DRC9: variants seen among roughly 807,000 people sequenced by gnomAD.
The protein encoded by DRC9 is dynein regulatory complex protein 9.
At chr3:197,954,833 A>G in the DRC9 span, among the ~76,000 whole-genome samples, 1 of 152,170 alleles carries the variant, frequency 6.6e-6, no homozygotes, top group Non-Finnish European at 1.5e-5. Flanking sequence ...TCTGGTGAAG[A>G]TATTTATTGG....
chr3:197,890,988 C>T, the DRC9 span, among the ~76,000 whole-genome samples: 1 of 152,182 alleles, frequency 6.6e-6, no homozygotes, highest in African/African-American at 2.4e-5. Flanking sequence ...CACTGAGACA[C>T]ACAAGTTCAC....
At chr3:197,915,625 C>T in the DRC9 span, among the ~76,000 whole-genome samples, 1 of 152,114 alleles carries the variant, frequency 6.6e-6, no homozygotes, top group African/African-American at 2.4e-5. Context: ...AACCGCCTTT[C>T]TTCTCTTTTT....
chr3:197,905,399 A>G, the DRC9 span, among the ~76,000 whole-genome samples: 1 of 152,120 alleles, frequency 6.6e-6, no homozygotes, highest in Non-Finnish European at 1.5e-5. Flanking sequence ...AAAAGAAAAG[A>G]GTTTAAAATA....
chr3:197,935,425 C>T, the DRC9 span, among the ~76,000 whole-genome samples: 46 of 146,670 alleles, frequency 3.1e-4, no homozygotes, highest in Admixed American at 9.5e-4. Context: ...GGCGACAGAA[C>T]GAGACTCTGT....
At chr3:197,891,185 G>A in the DRC9 span, among the ~76,000 whole-genome samples, 48 of 152,102 alleles carry the variant, frequency 3.2e-4, no homozygotes, top group Non-Finnish European at 2.2e-4. Context: ...CTGATATTTC[G>A]TCTCTTGGCC....
the DRC9 span, among the ~76,000 whole-genome samples, chr3:197,910,325 A>T: frequency 2.6e-5 from 4 of 152,116 alleles, no homozygotes; most frequent in Non-Finnish European, 4.4e-5. Context: ...AAAAAAATAT[A>T]TACTTATGTA....
chr3:197,895,343 C>T, the DRC9 span, among the ~76,000 whole-genome samples: 2 of 152,140 alleles, frequency 1.3e-5, no homozygotes, highest in East Asian at 3.9e-4. Context: ...AATCTTAGTT[C>T]ACTGCAGCCT....
chr3:197,914,128 C>T, the DRC9 span: 11 of 1,099,472 alleles, frequency 1.0e-5, no homozygotes, highest in South Asian at 2.6e-5. Flanking sequence ...CCCTTTTATG[C>T]GTATAAATCA....
the DRC9 span, chr3:197,957,458 GTTTTTT>G: frequency 1.5e-5 from 2 of 129,866 alleles, no homozygotes; most frequent in Non-Finnish European, 3.2e-5. Flanking sequence ...GATTGTGGTG[GTTTTTT>G]TTTTTTTTTT....
At chr3:197,950,030 G>T in the DRC9 span, 1 of 905,382 alleles carries the variant, frequency 1.1e-6, no homozygotes, top group South Asian at 5.6e-5. Flanking sequence ...AAGATGAAAG[G>T]ACTTAGGAAA....
chr3:197,938,452 C>A, the DRC9 span: 1 of 834,436 alleles, frequency 1.2e-6, no homozygotes, highest in East Asian at 2.4e-5. Flanking sequence ...ACAGTAATGA[C>A]TAACCTGTAG....
At chr3:197,904,067 CATACATATATATAT>C in the DRC9 span, among the ~76,000 whole-genome samples, 6 of 34,124 alleles carry the variant, frequency 1.8e-4, no homozygotes, top group Admixed American at 3.2e-4. Flanking sequence ...TATATATATA[CATACATATATATAT>C]ACATACATAT....
chr3:197,955,222 T>C, the DRC9 span, among the ~76,000 whole-genome samples: 3 of 152,072 alleles, frequency 2.0e-5, no homozygotes, highest in Non-Finnish European at 4.4e-5. Context: ...TTTTACTCTG[T>C]CTTTAGAAGA....
At chr3:197,937,970 G>A in the DRC9 span, among the ~76,000 whole-genome samples, 1 of 150,802 alleles carries the variant, frequency 6.6e-6, no homozygotes, top group Non-Finnish European at 1.5e-5. Flanking sequence ...ACAGCTGAAG[G>A]AAAAAAAGAA....
the DRC9 span, among the ~76,000 whole-genome samples, chr3:197,955,380 A>C: frequency 6.6e-6 from 1 of 151,398 alleles, no homozygotes; most frequent in African/African-American, 2.4e-5. Context: ...CTCCTGCCTC[A>C]GCCTCCTGCG....
chr3:197,909,218 T>C, the DRC9 span, among the ~76,000 whole-genome samples: 1 of 152,192 alleles, frequency 6.6e-6, no homozygotes, highest in Non-Finnish European at 1.5e-5. Flanking sequence ...TGGTGTTGTA[T>C]TAACAACCAA....
At chr3:197,934,183 CT>C in the DRC9 span, among the ~76,000 whole-genome samples, 3,554 of 99,440 alleles carry the variant, frequency 0.036, 75 homozygotes, top group Non-Finnish European at 0.047. Flanking sequence ...CATTCTGGGT[CT>C]TTTTTTTTTT....
At chr3:197,950,703 T>C in the DRC9 span, 2 of 567,954 alleles carry the variant, frequency 3.5e-6, no homozygotes, top group Non-Finnish European at 6.2e-6. Flanking sequence ...TTGTGACTCC[T>C]GTCCCTTAGT....
the DRC9 span, chr3:197,960,114 C>T: frequency 2.2e-6 from 2 of 898,318 alleles, no homozygotes; most frequent in Non-Finnish European, 1.7e-6. Context: ...GAACTTCTAG[C>T]GGGTGACGCT....
Sources: allele counts gnomAD v4.1 joint callset (sites outside exome capture counted in the v4.1 genomes callset), GRCh38; gene constraint gnomAD v4.1.1; transcripts MANE v1.5; gene names NCBI Gene and HGNC (gene_info 2026-07-23, HGNC 2026-07-21).